Variants in SENP5 observed in about 807,000 individuals in gnomAD.
The protein encoded by SENP5 is SUMO specific peptidase 5, also known as sentrin-specific protease 5.
A neutral mutation model predicts 74.2 loss-of-function variants in SENP5; 21 were observed. That is an observed-to-expected ratio of 0.28 (90% CI 0.20 to 0.41). SENP5 has a LOEUF of 0.41. Ranked by LOEUF, SENP5 falls within the 10% of genes least tolerant of loss-of-function variation. The probability of loss-of-function intolerance (pLI) is 1.00; values close to 1 mark genes in which losing one functional copy is unlikely to be tolerated. For missense variants in SENP5, 717 were observed against 889.1 expected, an observed-to-expected ratio of 0.81 and a Z score of 2.46; for synonymous variants, 311 against 312.7, an observed-to-expected ratio of 0.99 and a Z score of 0.06.
At chr3:196,917,603 A>G (rs1046169853) in intron 6 of SENP5, among the ~76,000 whole-genome samples, 2 of 152,340 alleles carry the variant, frequency 1.3e-5, no homozygotes, top group East Asian at 1.9e-4. Context: ...AGGAGCTCCA[A>G]TACATCTGGC....
chr3:196,880,286 G>C (rs867901290), intron 1 of SENP5, among the ~76,000 whole-genome samples: 6 of 152,112 alleles, frequency 3.9e-5, no homozygotes, highest in African/African-American at 1.4e-4. Flanking sequence ...TTGCTATGTT[G>C]CCCAGGCTGA....
chr3:196,899,734 A>C lies in SENP5; in HGVS notation c.1582A>C (p.Arg528=). The change falls in exon 3 of 10, where the codon AGA becomes CGA. Residue 528 remains arginine, a synonymous_variant. Transcript: ENST00000323460. ...ACTCAGTGAAAAAGAAGTCCTTGGA[A>C]GATTAAAAGATGTCTTTAATGAAGA... ...VPLSEKEVLG[R]LKDVFNEDFS... 6.2e-7 allele frequency: 1 copy of C among 1,608,422 alleles called. No individual in the cohort carries two copies. Among genetic ancestry groups the C allele is most frequent in the Middle Eastern group, 1.7e-4 (1 of 6,044 alleles).
At chr3:196,880,783 G>A (rs145996894) in intron 1 of SENP5, among the ~76,000 whole-genome samples, 3 of 151,434 alleles carry the variant, frequency 2.0e-5, no homozygotes, top group African/African-American at 7.3e-5. Flanking sequence ...CTGGATTACA[G>A]GTATGTGCCA....
Position 196,933,822 on chromosome 3 carries a change from G to T in SENP5, c.*2899G>T, listed in dbSNP as rs1716138799. ...TGCCATGTTGGTCAGGCTGGTCTCG[G>T]AACTCCTGACCTCAGGTGATCCACC... On this transcript the variant is annotated 3_prime_UTR_variant, in exon 10 of 10. Coordinates refer to ENST00000323460, the MANE Select transcript of SENP5 (RefSeq NM_152699.5). 1.3e-5 allele frequency: 2 copies of T among 151,978 alleles called. No individual in the cohort carries two copies. The highest frequency in any genetic ancestry group is 4.8e-5 in the African/African-American group (2 of 41,322). 9.4% of individuals were successfully genotyped at this position (151,978 alleles called of 1,614,324 possible). A position where few individuals can be genotyped will look rare whatever the true frequency, so the allele number is the denominator to read the frequency against.
In SENP5 at chr3:196,886,232, A is replaced by G. The variant is rs142337267; in HGVS notation, c.1051A>G (p.Ser351Gly). The change falls in exon 2 of 10, where the codon AGT becomes GGT. Residue 351 changes from serine (S) to glycine (G), a missense_variant. By Grantham distance (56) the Ser-to-Gly change is moderately conservative. Transcript: ENST00000323460. ...AGCATTCCCTGACCAACAGAATGGC[A>G]GTGCCACAAACGCCTGGGACCAGTC... ...DEAFPDQQNG[S>G]ATNAWDQSSC... The G allele has an allele frequency of 6.6e-5, 106 of 1,614,084 alleles. No homozygotes were observed. Among genetic ancestry groups the G allele is most frequent in the Non-Finnish European group, 8.7e-5 (103 of 1,180,026 alleles).
chr3:196,883,177 G>A (rs1246190050), intron 1 of SENP5, among the ~76,000 whole-genome samples: 1 of 151,920 alleles, frequency 6.6e-6, no homozygotes. Context: ...CCAATCTTGG[G>A]TGGGGGAGGG....
At chr3:196,870,799 T>TCTC (rs1304011364) in intron 1 of SENP5, among the ~76,000 whole-genome samples, 2 of 152,054 alleles carry the variant, frequency 1.3e-5, no homozygotes, top group African/African-American at 4.8e-5. Context: ...ATTACAGGTG[T>TCTC]GAGCCACTGT....
intron 4 of SENP5, 50 bp downstream of exon 4, chr3:196,900,112 T>A: frequency 1.3e-6 from 2 of 1,576,054 alleles, no homozygotes; most frequent in Non-Finnish European, 1.7e-6. Flanking sequence ...AGGATGTTAG[T>A]CAATAAAATA....
At position 196,885,799 on chromosome 3, in the gene SENP5, C is replaced by G. The variant is rs1247372826; in HGVS notation, c.618C>G (p.His206Gln). The G allele has an allele frequency of 1.2e-6, 2 of 1,614,128 alleles. No homozygotes were observed. The highest frequency in any genetic ancestry group is 1.7e-6 in the Non-Finnish European group (2 of 1,180,052). Residue 206 changes from histidine (H) to glutamine (Q), a missense_variant, in exon 2 of 10, where the codon CAC (histidine) becomes CAG (glutamine). Coordinates refer to ENST00000323460, the MANE Select transcript of SENP5 (RefSeq NM_152699.5). Reference sequence around the variant, plus strand: ...GCTGCTGCCAAGGGCCGGAGCACCACAGGAATGGGGGACCCTTGATTCCAA... The same window carrying G: ...GCTGCTGCCAAGGGCCGGAGCACCAGAGGAATGGGGGACCCTTGATTCCAA... ...CYGCCQGPEH[H>Q]RNGGPLIPKK...
chr3:196,902,457 G>T (rs1714738858), intron 5 of SENP5, among the ~76,000 whole-genome samples: 1 of 152,200 alleles, frequency 6.6e-6, no homozygotes, highest in Non-Finnish European at 1.5e-5. Flanking sequence ...ATGTTAAGCT[G>T]CATGGTTATC....
intron 2 of SENP5, among the ~76,000 whole-genome samples, chr3:196,893,697 G>C (rs1714311412): frequency 6.6e-6 from 1 of 152,032 alleles, no homozygotes; most frequent in East Asian, 1.9e-4. Context: ...ATCACCTGAG[G>C]TCAGGAGTTC....
chr3:196,933,020 G>GGGTTTTTTTTTTTTTTTTT lies in SENP5; in HGVS notation c.*2097_*2098insGGTTTTTTTTTTTTTTTTT, dbSNP rs1716100416. 1.7e-5 allele frequency: 2 copies of GGGTTTTTTTTTTTTTTTTT among 121,128 alleles called. No homozygotes were observed. Among genetic ancestry groups the GGGTTTTTTTTTTTTTTTTT allele is most frequent in the Non-Finnish European group, 3.2e-5 (2 of 61,660 alleles). 7.5% of individuals were successfully genotyped at this position (121,128 alleles called of 1,614,324 possible). A position where few individuals can be genotyped will look rare whatever the true frequency, so the allele number is the denominator to read the frequency against. Reference sequence around the variant, plus strand: ...ACTAAATGTTGAGTTTGGGTTTTTTGTTTTTTTTTTTTTTTGAGTCAGAGT... The same window carrying GGGTTTTTTTTTTTTTTTTT: ...ACTAAATGTTGAGTTTGGGTTTTTTGGGTTTTTTTTTTTTTTTTTTTTTTTTTTTTTTTTGAGTCAGAGT... On this transcript the variant is annotated 3_prime_UTR_variant, in exon 10 of 10. Coordinates refer to ENST00000323460, the MANE Select transcript of SENP5 (RefSeq NM_152699.5).
At chr3:196,930,337 G>C (rs1353514358) in intron 9 of SENP5, among the ~76,000 whole-genome samples, 1 of 152,152 alleles carries the variant, frequency 6.6e-6, no homozygotes, top group Non-Finnish European at 1.5e-5. Flanking sequence ...CTTTTCATCA[G>C]TTGCTGCTTT....
Position 196,885,135 on chromosome 3 carries a change from C to T in SENP5, c.-31-16C>T, listed in dbSNP as rs1326894156. The T allele has an allele frequency of 1.4e-6, 2 of 1,422,574 alleles. No individual in the cohort carries two copies. The highest frequency in any genetic ancestry group is 1.3e-5 in the South Asian group (1 of 76,956). 88.1% of individuals were successfully genotyped at this position (1,422,574 alleles called of 1,614,324 possible). ...TATTTTTAGATAGAAATATAACTTA[C>T]TTCTCTTCTTTACAGCTGCATCCAG... On this transcript the variant is annotated splice_polypyrimidine_tract_variant and intron_variant, in intron 1 of 9. Coordinates refer to ENST00000323460, the MANE Select transcript of SENP5 (RefSeq NM_152699.5).
chr3:196,871,729 C>G (rs554013309), intron 1 of SENP5, among the ~76,000 whole-genome samples: 206 of 151,934 alleles, frequency 1.4e-3, no homozygotes, highest in African/African-American at 4.7e-3. Context: ...GTGGCACACA[C>G]TCGTACTCCT....
intron 8 of SENP5, among the ~76,000 whole-genome samples, chr3:196,928,862 G>A (rs554847615): frequency 1.1e-4 from 16 of 152,232 alleles, no homozygotes; most frequent in African/African-American, 1.7e-4. Context: ...CTGTATTACC[G>A]CTTTGAGCAG....
In SENP5 at chr3:196,914,578, A is replaced by ATAT. The variant is rs1553825306; in HGVS notation, c.1885-8836_1885-8835insTAT. 8 of 72,792 alleles carry ATAT rather than the reference A, an allele frequency of 1.1e-4. No individual in the cohort carries two copies. In the East Asian group the frequency reaches 1.3e-3, roughly 12 times the overall value. 4.5% of individuals were successfully genotyped at this position (72,792 alleles called of 1,614,324 possible). A position where few individuals can be genotyped will look rare whatever the true frequency, so the allele number is the denominator to read the frequency against. ...GAGGTTTGCTTTAAAAAAAAAAAAA[A>ATAT]AAAAAAAAATATATATATATATATA... On this transcript the variant is annotated intron_variant, in intron 6 of 9. Transcript: ENST00000323460.
At chr3:196,872,466 A>G (rs1303573906) in intron 1 of SENP5, among the ~76,000 whole-genome samples, 3 of 151,982 alleles carry the variant, frequency 2.0e-5, no homozygotes, top group Non-Finnish European at 4.4e-5. Flanking sequence ...ACTTAGGGAA[A>G]GGCTGGAGGT....
At chr3:196,870,084 G>T (rs939899475) in intron 1 of SENP5, among the ~76,000 whole-genome samples, 2 of 152,100 alleles carry the variant, frequency 1.3e-5, no homozygotes, top group African/African-American at 4.8e-5. Context: ...CCAAACATCT[G>T]ATTGAAGTAG....
Sources: gnomAD v4.1 joint callset for allele counts (sites outside exome capture counted in the v4.1 genomes callset) on GRCh38, gnomAD v4.1.1 for gene constraint, MANE v1.5 for transcripts, NCBI Gene and HGNC (gene_info 2026-07-23, HGNC 2026-07-21) for gene names.